The following MOSMO variants were observed in gnomAD, a reference collection of about 807,000 sequenced individuals.
MOSMO encodes the protein modulator of smoothened protein.
Under a neutral mutation model 18.4 loss-of-function variants are expected in MOSMO, and 5 were observed. The ratio of observed to expected loss-of-function variants is 0.27; its 90% CI spans 0.14 to 0.57. MOSMO has a LOEUF of 0.57. Among genes scored for constraint, MOSMO ranks in the 20% least tolerant of loss-of-function variants. The pLI is 0.92. For missense variants in MOSMO, 138 were observed against 211.8 expected, an observed-to-expected ratio of 0.65 and a Z score of 2.16; for synonymous variants, 82 against 82.3, an observed-to-expected ratio of 1.00 and a Z score of 0.02.
chr16:22,015,773 A>G (rs1471075070), intron 1 of MOSMO, among the ~76,000 whole-genome samples: 1 of 152,180 alleles, frequency 6.6e-6, no homozygotes, highest in Non-Finnish European at 1.5e-5. Context: ...CATCTCTTTT[A>G]TCATTACCAA....
rs1407622174 is a variant in MOSMO, at chr16:22,081,188, T to G, written c.*308T>G. The G allele has an allele frequency of 6.1e-6, 1 of 164,134 alleles. No homozygotes were observed. The highest frequency in any genetic ancestry group is 6.4e-5 in the Admixed American group (1 of 15,728). The allele number at this position is 164,134 out of a possible 1,614,324, so 10.2% of individuals were successfully genotyped here. On this transcript the variant is annotated 3_prime_UTR_variant, in exon 3 of 3. Transcript: ENST00000542527. ...ATAGCAACCTAGAGAAGGAGAATGC[T>G]TTATACCGAAAAGCATGTGGCCCTT...
At chr16:22,065,985 G>C (rs1900740140) in intron 1 of MOSMO, among the ~76,000 whole-genome samples, 1 of 152,172 alleles carries the variant, frequency 6.6e-6, no homozygotes, top group Admixed American at 6.5e-5. Flanking sequence ...CGAGAAAATT[G>C]CCTGTATTTG....
At chr16:22,010,374 C>G (rs529870593) in intron 1 of MOSMO, among the ~76,000 whole-genome samples, 1 of 152,122 alleles carries the variant, frequency 6.6e-6, no homozygotes, top group African/African-American at 2.4e-5. Context: ...ACATCCAGTT[C>G]GTGACCTGTT....
intron 1 of MOSMO, among the ~76,000 whole-genome samples, chr16:22,039,206 ACTC>A (rs1265732975): frequency 6.6e-6 from 1 of 152,088 alleles, no homozygotes; most frequent in African/African-American, 2.4e-5. Flanking sequence ...GGACAAGTGA[ACTC>A]CTTAACGCAT....
downstream of MOSMO, chr16:22,090,360 T>C (rs1901277368): frequency 6.6e-6 from 1 of 152,194 alleles, no homozygotes; most frequent in South Asian, 2.1e-4. Context: ...AAATTCTTTT[T>C]TTTCCTTAAA....
At chr16:22,088,339 A>G (rs1901227378), downstream of MOSMO, among the ~76,000 whole-genome samples, 1 of 152,188 alleles carries the variant, frequency 6.6e-6, no homozygotes, top group East Asian at 1.9e-4. Context: ...TTTGTGATGT[A>G]GATTTTTCTG....
chr16:22,030,045 C>CGAGA (rs1271306063), intron 1 of MOSMO, among the ~76,000 whole-genome samples: 2 of 152,188 alleles, frequency 1.3e-5, no homozygotes. Context: ...ACTCTACTCT[C>CGAGA]CCCAGCAGAT....
chr16:22,074,583 G>A (rs1900926406), intron 1 of MOSMO, among the ~76,000 whole-genome samples: 1 of 152,110 alleles, frequency 6.6e-6, no homozygotes, highest in Admixed American at 6.5e-5. Flanking sequence ...TTCTTATTGG[G>A]GAAGAAGATC....
chr16:22,072,133 T>A (rs1333422592), intron 1 of MOSMO, among the ~76,000 whole-genome samples: 2 of 152,074 alleles, frequency 1.3e-5, no homozygotes, highest in East Asian at 1.9e-4. Context: ...GTTAAGGGAA[T>A]TTAGAAGAAG....
At chr16:22,020,791 G>T (rs1899744962) in intron 1 of MOSMO, among the ~76,000 whole-genome samples, 1 of 152,206 alleles carries the variant, frequency 6.6e-6, no homozygotes, top group Non-Finnish European at 1.5e-5. Context: ...AAAGGAACAA[G>T]AAAGTGCAGC....
intron 1 of MOSMO, among the ~76,000 whole-genome samples, chr16:22,021,928 G>A (rs1899772469): frequency 6.6e-6 from 1 of 152,026 alleles, no homozygotes; most frequent in Admixed American, 6.6e-5. Flanking sequence ...GTATAAATGG[G>A]GATAATACTT....
intron 1 of MOSMO, among the ~76,000 whole-genome samples, chr16:22,031,556 T>A (rs1397585397): frequency 1.3e-5 from 2 of 152,232 alleles, no homozygotes; most frequent in East Asian, 3.8e-4. Flanking sequence ...TAACTACTAA[T>A]CTACTTTCTG....
intron 1 of MOSMO, among the ~76,000 whole-genome samples, chr16:22,065,911 A>G (rs1900738734): frequency 6.6e-6 from 1 of 152,224 alleles, no homozygotes; most frequent in Admixed American, 6.5e-5. Flanking sequence ...TACACTGGCA[A>G]AATTATTAGG....
chr16:22,010,783 C>T (rs1899508732), intron 1 of MOSMO, among the ~76,000 whole-genome samples: 3 of 151,324 alleles, frequency 2.0e-5, no homozygotes, highest in Admixed American at 6.6e-5. Context: ...TAGCCGGGCG[C>T]GGTGGTGCAT....
intron 1 of MOSMO, among the ~76,000 whole-genome samples, chr16:22,020,727 C>G (rs1454593317): frequency 3.9e-5 from 6 of 152,130 alleles, no homozygotes; most frequent in Admixed American, 6.5e-5. Context: ...TCTGCAACAA[C>G]AAAATAGTAG....
intron 1 of MOSMO, among the ~76,000 whole-genome samples, chr16:22,066,749 A>C (rs1900755286): frequency 6.6e-6 from 1 of 152,280 alleles, no homozygotes; most frequent in African/African-American, 2.4e-5. Flanking sequence ...GTTAGTAAAC[A>C]GTAACAACAA....
downstream of MOSMO, among the ~76,000 whole-genome samples, chr16:22,089,626 C>A (rs1487215820): frequency 6.7e-6 from 1 of 150,298 alleles, no homozygotes; most frequent in African/African-American, 2.5e-5. Flanking sequence ...CCACCCCACC[C>A]CCCGCCACCA....
chr16:22,058,235 A>G (rs765114486), intron 1 of MOSMO, among the ~76,000 whole-genome samples: 13 of 151,994 alleles, frequency 8.6e-5, no homozygotes, highest in Admixed American at 2.6e-4. Context: ...GGACCAGCCT[A>G]GCCAACATGG....
intron 1 of MOSMO, among the ~76,000 whole-genome samples, chr16:22,070,862 TTACCC>T (rs1200319813): frequency 6.6e-6 from 1 of 152,162 alleles, no homozygotes; most frequent in Non-Finnish European, 1.5e-5. Flanking sequence ...AGCGTCTGAC[TTACCC>T]AGGGAGGTGC....
Sources: allele counts gnomAD v4.1 joint callset (sites outside exome capture counted in the v4.1 genomes callset), GRCh38; gene constraint gnomAD v4.1.1; transcripts MANE v1.5; gene names NCBI Gene and HGNC (gene_info 2026-07-23, HGNC 2026-07-21).